Variants in TBC1D22A observed in about 807,000 individuals in gnomAD.
TBC1D22A encodes the protein TBC1 domain family member 22A.
TBC1D22A carries 38 observed loss-of-function variants against 60.2 expected under a neutral mutation model. The ratio of observed to expected loss-of-function variants is 0.63; its 90% CI spans 0.49 to 0.83. The LOEUF (loss-of-function observed/expected upper bound fraction) is 0.83, where lower values mean the gene tolerates loss of function less well. Ranked by LOEUF, TBC1D22A falls within the 40% of genes least tolerant of loss-of-function variation. The pLI is 0.00. For synonymous variants in TBC1D22A, 302 were observed against 281.7 expected (o/e 1.07, Z -0.72); for missense variants, 628 against 701.0 (o/e 0.90, Z 1.18).
chr22:46,907,114 C>T (rs866070718), intron 7 of TBC1D22A, among the ~76,000 whole-genome samples: 12 of 151,624 alleles, frequency 7.9e-5, no homozygotes, highest in African/African-American at 2.7e-4. Context: ...GTGCGCTCTT[C>T]TCCGTGCGTG....
chr22:46,879,037 A>G (rs143802368), intron 5 of TBC1D22A, among the ~76,000 whole-genome samples: 1 of 151,916 alleles, frequency 6.6e-6, no homozygotes. Flanking sequence ...GGTTGTTTCA[A>G]CTCCGAGGAG....
chr22:46,794,083 G>C (rs1335935723), intron 3 of TBC1D22A, among the ~76,000 whole-genome samples: 1 of 152,208 alleles, frequency 6.6e-6, no homozygotes, highest in African/African-American at 2.4e-5. Context: ...TGGAGTGGAG[G>C]CTTCTGGCCT....
At chr22:47,000,612 AT>A (rs2075279460) in intron 10 of TBC1D22A, among the ~76,000 whole-genome samples, 1 of 152,178 alleles carries the variant, frequency 6.6e-6, no homozygotes, top group Non-Finnish European at 1.5e-5. Context: ...AAGCCCGCAG[AT>A]GGGGAACTCC....
chr22:47,125,878 A>C (rs1730915164), intron 12 of TBC1D22A, among the ~76,000 whole-genome samples: 2 of 152,224 alleles, frequency 1.3e-5, no homozygotes, highest in Non-Finnish European at 2.9e-5. Flanking sequence ...CAGGATGGTC[A>C]AGTACAGGTG....
intron 12 of TBC1D22A, among the ~76,000 whole-genome samples, chr22:47,157,023 G>A (rs1425387884): frequency 6.6e-6 from 1 of 152,212 alleles, no homozygotes; most frequent in African/African-American, 2.4e-5. Context: ...TCAGCACTGG[G>A]CCCTATGGAG....
intron 5 of TBC1D22A, among the ~76,000 whole-genome samples, chr22:46,886,274 G>A (rs180794125): frequency 6.6e-6 from 1 of 152,334 alleles, no homozygotes; most frequent in Admixed American, 6.5e-5. Flanking sequence ...GAAAACAGAG[G>A]CCAGGTGGGA....
chr22:46,900,754 C>T (rs963925579), intron 7 of TBC1D22A, among the ~76,000 whole-genome samples: 4 of 152,274 alleles, frequency 2.6e-5, no homozygotes, highest in South Asian at 2.1e-4. Context: ...GTAGTGTTCC[C>T]GTATGGCCGT....
At chr22:47,167,445 A>G (rs28670399) in intron 12 of TBC1D22A, among the ~76,000 whole-genome samples, 357 of 152,172 alleles carry the variant, frequency 2.3e-3, no homozygotes, top group African/African-American at 8.3e-3. Context: ...TGCTCCCATA[A>G]CTCGGCAAGT....
rs1055713096 is a variant in TBC1D22A, at chr22:46,990,803, C to G, written c.1126-6831C>G. 6.6e-6 allele frequency among the ~76,000 whole-genome samples: 1 copy of G among 152,230 alleles called. No individual in the cohort carries two copies. Among genetic ancestry groups the G allele is most frequent in the Admixed American group, 6.5e-5 (1 of 15,284 alleles). On this transcript the variant is annotated intron_variant, in intron 9 of 12. Transcript: ENST00000337137. The surrounding 1 kb of genome is among the most constrained non-coding windows in gnomAD (Gnocchi z 4.6). ...CTCCCCGTTGGCTTGCTGGCTGTCT[C>G]CCTCCCGCGCCGGCGTTCGTGACGG... is the stretch of plus-strand genomic sequence containing the variant.
chr22:47,085,050 C>T (rs1246311169), intron 11 of TBC1D22A, among the ~76,000 whole-genome samples: 1 of 152,220 alleles, frequency 6.6e-6, no homozygotes, highest in Non-Finnish European at 1.5e-5. Flanking sequence ...GAGGCTAAGG[C>T]AGGCGGATCG....
chr22:46,914,679 G>A (rs889007823), intron 8 of TBC1D22A: 1 of 152,826 alleles, frequency 6.5e-6, no homozygotes, highest in African/African-American at 2.4e-5. Flanking sequence ...TGGGTGTGGT[G>A]CAGAGCGCTG....
intron 10 of TBC1D22A, among the ~76,000 whole-genome samples, chr22:47,026,039 G>A (rs2062247171): frequency 6.6e-6 from 1 of 152,200 alleles, no homozygotes; most frequent in African/African-American, 2.4e-5. Flanking sequence ...TACACATCCC[G>A]ATGATGTAGG....
At chr22:47,105,837 G>A (rs965989614) in intron 11 of TBC1D22A, among the ~76,000 whole-genome samples, 1 of 152,066 alleles carries the variant, frequency 6.6e-6, no homozygotes, top group Non-Finnish European at 1.5e-5. Context: ...AGAAGTCACT[G>A]AAGTACAAGG....
At position 46,912,053 on chromosome 22, in the gene TBC1D22A, A is replaced by T. The variant is rs142368974; in HGVS notation, c.901-21A>T. ...TGCCATGTTTACTTTTTGCTTTACC[A>T]CCTGTTCCATTTTCTTTCAGATTTT... On this transcript the variant is annotated intron_variant, in intron 7 of 12. Coordinates refer to ENST00000337137, the MANE Select transcript of TBC1D22A (RefSeq NM_014346.5). 40,374 of 1,581,738 alleles carry T rather than the reference A, an allele frequency of 0.026. 744 individuals are homozygous for T. Among genetic ancestry groups the T allele is most frequent in the South Asian group, 0.073 (6,428 of 87,986 alleles).
intron 8 of TBC1D22A, among the ~76,000 whole-genome samples, chr22:46,920,586 G>A (rs2070695046): frequency 6.6e-6 from 1 of 152,026 alleles, no homozygotes; most frequent in African/African-American, 2.4e-5. Flanking sequence ...GCTGCTCCTC[G>A]AATCTGGGGA....
chr22:46,972,771 C>T (rs1041277427), intron 8 of TBC1D22A, among the ~76,000 whole-genome samples: 1 of 152,160 alleles, frequency 6.6e-6, no homozygotes, highest in Non-Finnish European at 1.5e-5. Flanking sequence ...GATTTTATGG[C>T]GGATGAATTA....
intron 9 of TBC1D22A, among the ~76,000 whole-genome samples, chr22:46,997,285 G>T (rs779857366): frequency 1.3e-5 from 2 of 152,256 alleles, no homozygotes; most frequent in Non-Finnish European, 2.9e-5. Flanking sequence ...GAGGTGGTCA[G>T]TTCCCACAGA....
At chr22:46,866,845 C>T (rs1025853209) in intron 4 of TBC1D22A, among the ~76,000 whole-genome samples, 6 of 152,232 alleles carry the variant, frequency 3.9e-5, no homozygotes, top group Admixed American at 1.3e-4. Flanking sequence ...TGCTGTGATC[C>T]GCAAGAGCTT....
intron 11 of TBC1D22A, among the ~76,000 whole-genome samples, chr22:47,037,590 C>T (rs2062697602): frequency 1.3e-5 from 2 of 152,164 alleles, no homozygotes; most frequent in African/African-American, 4.8e-5. Flanking sequence ...AAGCTTGCGC[C>T]ACTGCACTCC....
Sources: gnomAD v4.1 joint callset for allele counts (sites outside exome capture counted in the v4.1 genomes callset) on GRCh38, gnomAD v4.1.1 for gene constraint, Gnocchi (gnomAD v3.1) non-coding constraint, MANE v1.5 for transcripts, NCBI Gene and HGNC (gene_info 2026-07-23, HGNC 2026-07-21) for gene names.